HCRTR2: variants seen among roughly 807,000 people sequenced by gnomAD.
The protein encoded by HCRTR2 is orexin receptor type 2.
Under a neutral mutation model 49.0 loss-of-function variants are expected in HCRTR2, and 22 were observed. The observed-to-expected ratio is 0.45, with a 90% CI of 0.32 to 0.64. The LOEUF is 0.64. Among genes scored for constraint, HCRTR2 ranks in the 30% least tolerant of loss-of-function variants. The pLI is 0.04. For missense variants in HCRTR2, 491 were observed against 559.4 expected (o/e 0.88, Z 1.23); for synonymous variants, 236 against 205.3 (o/e 1.15, Z -1.28).
chr6:55,269,520 G>A (rs1196528547), intron 4 of HCRTR2, among the ~76,000 whole-genome samples: 3 of 151,940 alleles, frequency 2.0e-5, no homozygotes, highest in East Asian at 3.9e-4. Flanking sequence ...TAGTTTTCAG[G>A]ATGAAAGATT....
chr6:55,183,417 T>G (rs1055213087), intron 1 of HCRTR2, among the ~76,000 whole-genome samples: 3 of 152,136 alleles, frequency 2.0e-5, no homozygotes, highest in Admixed American at 6.5e-5. Flanking sequence ...GGCAATTGGG[T>G]AAGTCCAATG....
chr6:55,122,537 T>C (rs1764215986), intron 1 of HCRTR2, among the ~76,000 whole-genome samples: 1 of 152,132 alleles, frequency 6.6e-6, no homozygotes, highest in South Asian at 2.1e-4. Context: ...GCTTTTCTAG[T>C]TCTTTTAATT....
chr6:55,123,824 G>C (rs765500604), intron 1 of HCRTR2, among the ~76,000 whole-genome samples: 2 of 152,122 alleles, frequency 1.3e-5, no homozygotes, highest in Non-Finnish European at 2.9e-5. Context: ...GGTCTATTCA[G>C]GGATTTGACT....
At chr6:55,245,943 G>T (rs996621586) in intron 1 of HCRTR2, among the ~76,000 whole-genome samples, 1 of 151,998 alleles carries the variant, frequency 6.6e-6, no homozygotes, top group Non-Finnish European at 1.5e-5. Context: ...ATATGGTAAA[G>T]TCATATTGCA....
chr6:55,256,299 A>T (rs1437893458), intron 3 of HCRTR2, among the ~76,000 whole-genome samples: 2 of 152,150 alleles, frequency 1.3e-5, no homozygotes, highest in Admixed American at 6.6e-5. Flanking sequence ...ATTGTTTTTT[A>T]TTAGAAAGAT....
At chr6:55,189,810 A>T (rs994022318) in intron 1 of HCRTR2, among the ~76,000 whole-genome samples, 6 of 152,142 alleles carry the variant, frequency 3.9e-5, no homozygotes, top group Non-Finnish European at 7.4e-5. Flanking sequence ...TTAAATTATT[A>T]AAAAAAGAAA....
At chr6:55,179,726 AGAAAACTGTCTTGATTGTAGTAGT>A (rs1472120806) in intron 1 of HCRTR2, among the ~76,000 whole-genome samples, 1 of 152,216 alleles carries the variant, frequency 6.6e-6, no homozygotes, top group Non-Finnish European at 1.5e-5. Context: ...TCCAGTTTTT[AGAAAACTGTCTTGATTGTAGTAGT>A]GCCTACATAC....
At chr6:55,224,027 T>C (rs1313800576) in intron 1 of HCRTR2, among the ~76,000 whole-genome samples, 1 of 152,226 alleles carries the variant, frequency 6.6e-6, no homozygotes, top group Non-Finnish European at 1.5e-5. Flanking sequence ...TGACATTTTT[T>C]CAATGAGAGA....
At chr6:55,140,097 T>G (rs1351511479) in intron 1 of HCRTR2, among the ~76,000 whole-genome samples, 1 of 152,160 alleles carries the variant, frequency 6.6e-6, no homozygotes. Flanking sequence ...CCTGACCTCT[T>G]ATTGAGACCA....
intron 1 of HCRTR2, among the ~76,000 whole-genome samples, chr6:55,238,458 T>C (rs1431315220): frequency 3.3e-5 from 5 of 152,202 alleles, no homozygotes; most frequent in Non-Finnish European, 7.3e-5. Context: ...TAGTAAGATA[T>C]TGCCATTCTG....
chr6:55,197,838 G>A (rs763153265), intron 1 of HCRTR2, among the ~76,000 whole-genome samples: 20 of 151,994 alleles, frequency 1.3e-4, no homozygotes, highest in Non-Finnish European at 1.9e-4. Flanking sequence ...AGCAAGGATG[G>A]TCTCAATCCC....
intron 4 of HCRTR2, among the ~76,000 whole-genome samples, chr6:55,274,961 C>T (rs1193292092): frequency 1.3e-5 from 2 of 152,054 alleles, no homozygotes; most frequent in South Asian, 2.1e-4. Context: ...CCTATCTGGG[C>T]CTGGAGATTT....
At chr6:55,171,179 C>A (rs1041020407), upstream of HCRTR2, among the ~76,000 whole-genome samples, 1 of 152,152 alleles carries the variant, frequency 6.6e-6, no homozygotes, top group East Asian at 1.9e-4. Flanking sequence ...AATGATTGAA[C>A]TAGTTTACAC....
intron 1 of HCRTR2, among the ~76,000 whole-genome samples, chr6:55,142,466 T>C (rs1764521290): frequency 6.6e-6 from 1 of 151,316 alleles, no homozygotes; most frequent in Non-Finnish European, 1.5e-5. Context: ...CTTCGGCCTC[T>C]AAAGTGCTGG....
intron 5 of HCRTR2, among the ~76,000 whole-genome samples, chr6:55,279,387 A>G (rs1267102300): frequency 1.3e-5 from 2 of 151,968 alleles, no homozygotes. Context: ...GTCATAACAT[A>G]GTACAAATTT....
At chr6:55,162,176 G>A (rs1357108541) in intron 1 of HCRTR2, among the ~76,000 whole-genome samples, 1 of 152,182 alleles carries the variant, frequency 6.6e-6, no homozygotes, top group Non-Finnish European at 1.5e-5. Context: ...TGCAAGGCTT[G>A]TTCAACATAC....
intron 1 of HCRTR2, among the ~76,000 whole-genome samples, chr6:55,225,893 G>C (rs2127297843): frequency 6.6e-6 from 1 of 152,176 alleles, no homozygotes; most frequent in Non-Finnish European, 1.5e-5. Flanking sequence ...AAGACATTTG[G>C]GAAACCCTAC....
At chr6:55,233,095 C>CT (rs144244052) in intron 1 of HCRTR2, among the ~76,000 whole-genome samples, 37,032 of 144,278 alleles carry the variant, frequency 0.26, 4,666 homozygotes, top group Non-Finnish European at 0.29. Flanking sequence ...AATAAAGCTG[C>CT]TTTTTTTTTT....
intron 1 of HCRTR2, among the ~76,000 whole-genome samples, chr6:55,149,772 G>A (rs1487595221): frequency 2.6e-5 from 4 of 151,956 alleles, no homozygotes; most frequent in African/African-American, 9.7e-5. Context: ...AATTACATCT[G>A]TATAAAATGT....
Sources: allele counts gnomAD v4.1 joint callset (sites outside exome capture counted in the v4.1 genomes callset), GRCh38; gene constraint gnomAD v4.1.1; transcripts MANE v1.5; gene names NCBI Gene and HGNC (gene_info 2026-07-23, HGNC 2026-07-21).